Variants in SNX14 observed in about 807,000 individuals in gnomAD.
The protein encoded by SNX14 is sorting nexin 14, also known as sorting nexin-14.
In SNX14, 93 loss-of-function variants were observed where a neutral mutation model predicts 133.8. That is an observed-to-expected ratio of 0.70 (90% CI 0.59 to 0.83). The LOEUF (loss-of-function observed/expected upper bound fraction) is 0.83, where lower values mean the gene tolerates loss of function less well. Ranked by LOEUF, SNX14 falls within the 40% of genes least tolerant of loss-of-function variation. The pLI, the probability that SNX14 is intolerant of heterozygous loss-of-function variation, is 0.00. For synonymous variants in SNX14, 368 were observed against 365.6 expected (o/e 1.01, Z -0.07); for missense variants, 945 against 1,094.9 (o/e 0.86, Z 1.93).
rs75244891 is a variant in SNX14, at chr6:85,540,479, A to G, written c.1448+1506T>C. ...AAGAAAAGGCATGTGGCCTGGGCAAAGAACGCTATTTTAAATAGCATGAAT... is the reference window on the plus strand; with the variant it reads ...AAGAAAAGGCATGTGGCCTGGGCAAGGAACGCTATTTTAAATAGCATGAAT... On this transcript the variant is annotated intron_variant, in intron 15 of 28. Coordinates refer to ENST00000314673, the MANE Select transcript of SNX14 (RefSeq NM_153816.6). 1.7e-3 allele frequency among the ~76,000 whole-genome samples: 261 copies of G among 152,348 alleles called. 9 individuals are homozygous for G. In the East Asian group the frequency reaches 0.04, roughly 24 times the overall value.
chr6:85,517,805 C>A lies in SNX14; in HGVS notation c.2219G>T (p.Ser740Ile), dbSNP rs777533516. Residue 740 changes from serine (S) to isoleucine (I), a missense_variant, in exon 23 of 29, where the codon AGT becomes ATT. Ser to Ile is a moderately radical substitution (Grantham distance 142). This residue lies in a region of SNX14 where 412 missense variants were observed against 516.6 expected (regional missense o/e 0.80). Transcript: ENST00000314673. ...NSCESPKPKP[S>I]RPELTILSPT... ...GCTGAGAATGGTCAGTTCTGGTCTACTTGGTTTAGGCTTTGGAGACTCACA... is the reference window on the plus strand; with the variant it reads ...GCTGAGAATGGTCAGTTCTGGTCTAATTGGTTTAGGCTTTGGAGACTCACA... 1.2e-6 allele frequency: 2 copies of A among 1,611,090 alleles called. No homozygotes were observed. The highest frequency in any genetic ancestry group is 1.7e-6 in the Non-Finnish European group (2 of 1,179,200).
intron 21 of SNX14, among the ~76,000 whole-genome samples, chr6:85,524,190 AAAAGAAAGAAAG>A (rs142252854): frequency 6.6e-6 from 1 of 151,802 alleles, no homozygotes; most frequent in African/African-American, 2.4e-5. Context: ...TCCATCTCAA[AAAAGAAAGAAAG>A]AAAGAAAGAA....
In SNX14 at chr6:85,569,227, G is replaced by T. The variant is rs534993085; in HGVS notation, c.418-1650C>A. 3.3e-5 allele frequency among the ~76,000 whole-genome samples: 5 copies of T among 152,160 alleles called. No homozygotes were observed. In the South Asian group the frequency reaches 6.2e-4, roughly 19 times the overall value. On this transcript the variant is annotated intron_variant, in intron 4 of 28. Transcript: ENST00000314673. ...TCCGCCCACCTCGGCCTCCCAAAGT[G>T]CTGGGATTACAGGCGTGAGCCAACA...
intron 4 of SNX14, among the ~76,000 whole-genome samples, chr6:85,570,399 G>T (rs1225301716): frequency 6.6e-6 from 1 of 151,984 alleles, no homozygotes; most frequent in African/African-American, 2.4e-5. Context: ...CCTCAACTTC[G>T]CACTCTCCAA....
intron 12 of SNX14, among the ~76,000 whole-genome samples, chr6:85,545,488 G>GCTA (rs1253989309): frequency 6.6e-6 from 1 of 151,988 alleles, no homozygotes; most frequent in African/African-American, 2.4e-5. Flanking sequence ...AGATGATGTG[G>GCTA]CTATATTAAC....
intron 15 of SNX14, among the ~76,000 whole-genome samples, chr6:85,539,976 T>TTTTATTTTATTTTATTTTATTTTAC (rs1162122928): frequency 9.5e-5 from 14 of 147,074 alleles, no homozygotes; most frequent in African/African-American, 3.2e-4. Flanking sequence ...TTTTATTTTA[T>TTTTATTTTATTTTATTTTATTTTAC]TTTAATTGAG....
intron 4 of SNX14, among the ~76,000 whole-genome samples, chr6:85,571,315 G>A (rs1053578640): frequency 2.1e-5 from 3 of 141,630 alleles, no homozygotes; most frequent in African/African-American, 5.3e-5. Flanking sequence ...AGGTGAGATC[G>A]CACCACTGCA....
At chr6:85,517,718 C>CTTT (rs1486430901) in intron 23 of SNX14, 38 bp downstream of exon 23, 2 of 1,548,536 alleles carry the variant, frequency 1.3e-6, no homozygotes, top group Non-Finnish European at 1.7e-6. Context: ...AGTAGGGCAA[C>CTTT]TTAAAACTTA....
intron 1 of SNX14, among the ~76,000 whole-genome samples, chr6:85,584,228 C>T (rs1418054235): frequency 1.3e-5 from 2 of 152,170 alleles, no homozygotes; most frequent in Admixed American, 6.5e-5. Context: ...CCCCTCCTTA[C>T]ACCTTATACA....
intron 19 of SNX14, 122 bp from the exon 20 acceptor site, chr6:85,528,484 C>T: frequency 1.8e-6 from 1 of 554,290 alleles, no homozygotes; most frequent in Non-Finnish European, 2.8e-6. Flanking sequence ...ACAGATGTGA[C>T]ATTACTCTTT....
intron 1 of SNX14, among the ~76,000 whole-genome samples, chr6:85,587,587 A>C (rs749704580): frequency 1.7e-4 from 26 of 152,182 alleles, no homozygotes; most frequent in Non-Finnish European, 2.8e-4. Context: ...CTCCCACCTC[A>C]GCCTCCTGGG....
chr6:85,574,651 A>T (rs1190828349), intron 1 of SNX14, among the ~76,000 whole-genome samples: 1 of 152,256 alleles, frequency 6.6e-6, no homozygotes, highest in Non-Finnish European at 1.5e-5. Context: ...ACATTCTTCC[A>T]GAATACCTTC....
At chr6:85,538,065 G>A (rs1395305943) in intron 16 of SNX14, among the ~76,000 whole-genome samples, 2 of 152,142 alleles carry the variant, frequency 1.3e-5, no homozygotes, top group African/African-American at 4.8e-5. Context: ...TTACTCCTAT[G>A]AGAAAAATTA....
intron 8 of SNX14, among the ~76,000 whole-genome samples, chr6:85,548,677 ACTCT>A (rs1236013654): frequency 7.9e-5 from 12 of 151,586 alleles, no homozygotes; most frequent in Admixed American, 7.2e-4. Flanking sequence ...ATTAGGAAAA[ACTCT>A]CTATCGGCCG....
At chr6:85,526,289 G>A in intron 20 of SNX14, 52 bp from the exon 21 acceptor site, 1 of 1,048,876 alleles carries the variant, frequency 9.5e-7, no homozygotes, top group Non-Finnish European at 1.4e-6. Flanking sequence ...TAGAGGAGTA[G>A]TCAAAACTGT....
At chr6:85,593,462 C>G (rs565572431) in intron 1 of SNX14, 117 bp downstream of exon 1, 5 of 1,417,026 alleles carry the variant, frequency 3.5e-6, no homozygotes, top group Admixed American at 2.9e-5. Context: ...GGAGCTCGCT[C>G]TCCCCACTGG....
At chr6:85,563,852 ATGT>A (rs973052281) in intron 6 of SNX14, among the ~76,000 whole-genome samples, 19 of 152,152 alleles carry the variant, frequency 1.2e-4, no homozygotes, top group African/African-American at 4.3e-4. Flanking sequence ...TACATGTGCC[ATGT>A]TGGTGTGCTG....
intron 21 of SNX14, among the ~76,000 whole-genome samples, chr6:85,524,488 G>T: frequency 6.6e-6 from 1 of 152,064 alleles, no homozygotes; most frequent in East Asian, 1.9e-4. Flanking sequence ...TGTTAACAAT[G>T]AGATCACTGG....
chr6:85,540,243 TGA>T (rs1783246846), intron 15 of SNX14, among the ~76,000 whole-genome samples: 1 of 152,216 alleles, frequency 6.6e-6, no homozygotes, highest in African/African-American at 2.4e-5. Flanking sequence ...ATTACAGGCG[TGA>T]GCCATCACGC....
Sources: allele counts gnomAD v4.1 joint callset (sites outside exome capture counted in the v4.1 genomes callset), GRCh38; gene constraint gnomAD v4.1.1; regional missense constraint gnomAD v4.1.1; transcripts MANE v1.5; gene names NCBI Gene and HGNC (gene_info 2026-07-23, HGNC 2026-07-21).